Variants in CTNND2 observed in about 807,000 individuals in gnomAD.
The protein encoded by CTNND2 is catenin delta 2, also known as catenin delta-2.
In CTNND2, 22 loss-of-function variants were observed where a neutral mutation model predicts 144.4. The observed-to-expected ratio is 0.15, with a 90% CI of 0.11 to 0.22. The LOEUF is 0.22. CTNND2 is among the 10% of genes least tolerant of loss of function. The pLI is 1.00. For missense variants in CTNND2, 1,353 were observed against 1,618.8 expected, an observed-to-expected ratio of 0.84 and a Z score of 2.82; for synonymous variants, 751 against 695.6, an observed-to-expected ratio of 1.08 and a Z score of -1.25.
At chr5:11,412,434 G>A (rs1761616871) in intron 3 of CTNND2, among the ~76,000 whole-genome samples, 1 of 152,092 alleles carries the variant, frequency 6.6e-6, no homozygotes, top group Admixed American at 6.5e-5. Flanking sequence ...TTGTAAGGTA[G>A]CCTAATAAGG....
intron 1 of CTNND2, among the ~76,000 whole-genome samples, chr5:11,748,026 AAC>A (rs1289797266): frequency 6.6e-6 from 1 of 152,174 alleles, no homozygotes; most frequent in Non-Finnish European, 1.5e-5. Flanking sequence ...TCACTCTGCA[AAC>A]AGATATCTGC....
intron 18 of CTNND2, among the ~76,000 whole-genome samples, chr5:11,008,197 AGAAGAT>A (rs1740691339): frequency 6.6e-6 from 1 of 152,226 alleles, no homozygotes; most frequent in Admixed American, 6.5e-5. Flanking sequence ...CCTCCCCCAT[AGAAGAT>A]GTCACCATCC....
chr5:11,057,246 GTGGGT>G (rs1191632814), intron 16 of CTNND2, among the ~76,000 whole-genome samples: 1 of 152,156 alleles, frequency 6.6e-6, no homozygotes, highest in East Asian at 1.9e-4. Flanking sequence ...ATCTAATGGG[GTGGGT>G]TGTTGATATG....
At chr5:11,681,403 G>A (rs1784416300) in intron 2 of CTNND2, among the ~76,000 whole-genome samples, 1 of 152,198 alleles carries the variant, frequency 6.6e-6, no homozygotes, top group African/African-American at 2.4e-5. Flanking sequence ...TCAAAAGCTT[G>A]TGTCTGCACT....
At chr5:11,704,317 A>T (rs1490248829) in intron 2 of CTNND2, among the ~76,000 whole-genome samples, 2 of 152,220 alleles carry the variant, frequency 1.3e-5, no homozygotes, top group Non-Finnish European at 2.9e-5. Flanking sequence ...GACTTCTCAG[A>T]ATACAGATGC....
intron 13 of CTNND2, among the ~76,000 whole-genome samples, chr5:11,114,093 C>T (rs958996766): frequency 6.6e-6 from 1 of 150,600 alleles, no homozygotes; most frequent in African/African-American, 2.4e-5. Flanking sequence ...CAGGGCGATG[C>T]ATGAAAGAGA....
rs376927020 is a variant in CTNND2, at chr5:11,354,725, C to T, written c.1373-8098G>A. Among the ~76,000 whole-genome samples, 103 of 152,272 alleles carry T rather than the reference C, an allele frequency of 6.8e-4. 1 individual carries two copies. The highest frequency in any genetic ancestry group is 2.3e-3 in the African/African-American group (96 of 41,556). On this transcript the variant is annotated intron_variant, in intron 8 of 21. Transcript: ENST00000304623. ...CAGAAATCAATAAGGAAACATCAGACTTAAACTACGCTCCAGACCAAAGGG... is the reference window on the plus strand; with the variant it reads ...CAGAAATCAATAAGGAAACATCAGATTTAAACTACGCTCCAGACCAAAGGG...
intron 7 of CTNND2, among the ~76,000 whole-genome samples, chr5:11,379,390 G>T (rs1172760647): frequency 2.6e-5 from 4 of 152,152 alleles, no homozygotes; most frequent in African/African-American, 9.7e-5. Context: ...AAGCGACGTA[G>T]GTTCAAATCA....
chr5:11,770,664 T>C (rs1299717856), intron 1 of CTNND2, among the ~76,000 whole-genome samples: 1 of 152,182 alleles, frequency 6.6e-6, no homozygotes, highest in Non-Finnish European at 1.5e-5. Flanking sequence ...TTGACCATGC[T>C]AGGACAGAGA....
chr5:11,199,026 T>A (rs1041759497), intron 11 of CTNND2, among the ~76,000 whole-genome samples: 1 of 152,246 alleles, frequency 6.6e-6, no homozygotes, highest in African/African-American at 2.4e-5. Context: ...ATATTTCATT[T>A]AAAAAATTAA....
chr5:11,441,481 C>T (rs543027548), intron 3 of CTNND2, among the ~76,000 whole-genome samples: 39 of 148,890 alleles, frequency 2.6e-4, no homozygotes, highest in Non-Finnish European at 5.5e-4. Context: ...TGGGTTCAAG[C>T]AATTCTCCTG....
chr5:11,893,542 T>C (rs1471562589), intron 1 of CTNND2, among the ~76,000 whole-genome samples: 2 of 152,228 alleles, frequency 1.3e-5, no homozygotes, highest in African/African-American at 2.4e-5. Flanking sequence ...ACCTTGCACC[T>C]TTCCACTTCT....
chr5:11,880,720 T>C (rs866236506), intron 1 of CTNND2, among the ~76,000 whole-genome samples: 1 of 4,402 alleles, frequency 2.3e-4, no homozygotes, highest in African/African-American at 3.9e-4. Context: ...CCACTACTAC[T>C]ACCACCACTA....
chr5:11,417,356 C>T (rs191855321), intron 3 of CTNND2, among the ~76,000 whole-genome samples: 126 of 152,176 alleles, frequency 8.3e-4, no homozygotes, highest in African/African-American at 2.9e-3. Context: ...AAAACTCCTA[C>T]CAGAAACCAA....
chr5:11,006,422 G>C (rs907726143), intron 18 of CTNND2, among the ~76,000 whole-genome samples: 4 of 152,238 alleles, frequency 2.6e-5, no homozygotes, highest in Admixed American at 6.5e-5. Flanking sequence ...CTTACGGCGT[G>C]CCAGAGCCAC....
chr5:11,092,748 C>T (rs1400588528), intron 15 of CTNND2, among the ~76,000 whole-genome samples: 1 of 152,236 alleles, frequency 6.6e-6, no homozygotes, highest in Non-Finnish European at 1.5e-5. Context: ...TCTTTCAAAA[C>T]TCTGTTTCTT....
chr5:11,663,156 C>T (rs901925594), intron 2 of CTNND2, among the ~76,000 whole-genome samples: 1 of 152,204 alleles, frequency 6.6e-6, no homozygotes, highest in African/African-American at 2.4e-5. Flanking sequence ...GCCTGCCATA[C>T]ATTTGTACTT....
intron 3 of CTNND2, among the ~76,000 whole-genome samples, chr5:11,419,069 TA>T (rs1561364187): frequency 6.7e-6 from 1 of 148,484 alleles, no homozygotes; most frequent in African/African-American, 2.5e-5. Flanking sequence ...GATATATATA[TA>T]GAGAGAGAGA....
intron 9 of CTNND2, among the ~76,000 whole-genome samples, chr5:11,325,024 T>TTGCC (rs1752396145): frequency 6.6e-6 from 1 of 152,112 alleles, no homozygotes; most frequent in South Asian, 2.1e-4. Flanking sequence ...TGAACCCTCT[T>TTGCC]TGCCTGAACT....
Sources: gnomAD v4.1 joint callset for allele counts (sites outside exome capture counted in the v4.1 genomes callset) on GRCh38, gnomAD v4.1.1 for gene constraint, MANE v1.5 for transcripts, NCBI Gene and HGNC (gene_info 2026-07-23, HGNC 2026-07-21) for gene names.